CPPED1: variants seen among roughly 807,000 people sequenced by gnomAD.
The protein encoded by CPPED1 is serine/threonine-protein phosphatase CPPED1.
CPPED1 carries 28 observed loss-of-function variants against 28.0 expected under a neutral mutation model. That is an observed-to-expected ratio of 1.00 (90% CI 0.74 to 1.37). The LOEUF (loss-of-function observed/expected upper bound fraction) is 1.37. Ranked by LOEUF, CPPED1 falls within the 40% of genes most tolerant of loss-of-function variation. The pLI is 0.00. For missense variants in CPPED1, 504 were observed against 416.5 expected (o/e 1.21, Z -1.83); for synonymous variants, 198 against 180.2 (o/e 1.10, Z -0.79).
chr16:12,794,220 C>CA (rs61664415), intron 1 of CPPED1, among the ~76,000 whole-genome samples: 56,183 of 151,788 alleles, frequency 0.37, 15,974 homozygotes, highest in African/African-American at 0.8. Flanking sequence ...AGTTTCAGCA[C>CA]GGGGTGCAGG....
At chr16:12,729,019 A>G (rs1238935364) in intron 2 of CPPED1, among the ~76,000 whole-genome samples, 1 of 152,164 alleles carries the variant, frequency 6.6e-6, no homozygotes, top group Non-Finnish European at 1.5e-5. Context: ...TGGTGAGGTC[A>G]CCATCACTGG....
At chr16:12,699,978 C>G (rs937149748) in intron 3 of CPPED1, among the ~76,000 whole-genome samples, 1 of 152,190 alleles carries the variant, frequency 6.6e-6, no homozygotes, top group African/African-American at 2.4e-5. Flanking sequence ...TGGATGCGTA[C>G]AGCCAAGAGC....
intron 3 of CPPED1, among the ~76,000 whole-genome samples, chr16:12,677,490 T>C (rs1056240112): frequency 9.2e-5 from 14 of 152,012 alleles, no homozygotes; most frequent in Admixed American, 7.2e-4. Context: ...AATACAGAAA[T>C]GTGGATGTGG....
intron 1 of CPPED1, among the ~76,000 whole-genome samples, chr16:12,796,143 T>C (rs1167362331): frequency 6.6e-6 from 1 of 151,184 alleles, no homozygotes; most frequent in Admixed American, 6.6e-5. Flanking sequence ...TCTGGGCTTC[T>C]TGCTCCTCAA....
At chr16:12,685,665 C>T (rs989899660) in intron 3 of CPPED1, among the ~76,000 whole-genome samples, 10 of 152,208 alleles carry the variant, frequency 6.6e-5, no homozygotes, top group Non-Finnish European at 1.3e-4. Flanking sequence ...CTCTCACTAT[C>T]CACACCCTCC....
At chr16:12,688,336 T>C (rs1411661635) in intron 3 of CPPED1, among the ~76,000 whole-genome samples, 1 of 150,928 alleles carries the variant, frequency 6.6e-6, no homozygotes, top group African/African-American at 2.4e-5. Flanking sequence ...CAGGATTTTT[T>C]TTTTTTTTTT....
chr16:12,789,038 T>A (rs2141243465), intron 1 of CPPED1, among the ~76,000 whole-genome samples: 1 of 152,290 alleles, frequency 6.6e-6, no homozygotes, highest in East Asian at 1.9e-4. Flanking sequence ...CCAGGCAGCG[T>A]TTATAAACTT....
intron 3 of CPPED1, among the ~76,000 whole-genome samples, chr16:12,680,769 T>G (rs138590833): frequency 3.1e-4 from 47 of 152,254 alleles, no homozygotes; most frequent in African/African-American, 1.1e-3. Context: ...CAATATCTCC[T>G]TCTGGAGCTA....
At chr16:12,762,525 A>G (rs1023107224) in intron 2 of CPPED1, among the ~76,000 whole-genome samples, 1 of 152,236 alleles carries the variant, frequency 6.6e-6, no homozygotes, top group Non-Finnish European at 1.5e-5. Context: ...ATTATTCAAC[A>G]ACAGCTACAA....
rs565168232 is a variant in CPPED1, at chr16:12,747,947, G to A, written c.289+33238C>T. Reference sequence around the variant, plus strand: ...CATAAACCTAAAAGAGGAACACCACGCAGTGCCCGTCTCACACCCAAGAGA... The same window carrying A: ...CATAAACCTAAAAGAGGAACACCACACAGTGCCCGTCTCACACCCAAGAGA... On this transcript the variant is annotated intron_variant, in intron 2 of 3. Coordinates refer to ENST00000381774, the MANE Select transcript of CPPED1 (RefSeq NM_018340.3). Among the ~76,000 whole-genome samples the A allele has an allele frequency of 6.6e-5, 10 of 152,270 alleles. No homozygotes were observed. The South Asian group carries it at 1.0e-3, about 16-fold the overall frequency.
At chr16:12,787,505 A>G (rs1166269550) in intron 1 of CPPED1, among the ~76,000 whole-genome samples, 1 of 151,540 alleles carries the variant, frequency 6.6e-6, no homozygotes, top group East Asian at 1.9e-4. Flanking sequence ...TCTCGGTTCA[A>G]GTGATTCTCC....
chr16:12,764,360 C>T (rs1319818425), intron 2 of CPPED1, among the ~76,000 whole-genome samples: 1 of 152,126 alleles, frequency 6.6e-6, no homozygotes, highest in African/African-American at 2.4e-5. Flanking sequence ...CATGCCACCA[C>T]ACCCAGCTAA....
intron 2 of CPPED1, among the ~76,000 whole-genome samples, chr16:12,715,109 T>A (rs937606969): frequency 1.3e-5 from 2 of 152,196 alleles, no homozygotes; most frequent in Admixed American, 6.5e-5. Flanking sequence ...TGACCCTAAA[T>A]GTGAGGATTT....
intron 2 of CPPED1, among the ~76,000 whole-genome samples, chr16:12,723,622 G>C (rs2141199966): frequency 6.6e-6 from 1 of 152,288 alleles, no homozygotes; most frequent in East Asian, 1.9e-4. Flanking sequence ...AGAACGGTGA[G>C]AAAGCAAATT....
intron 2 of CPPED1, among the ~76,000 whole-genome samples, chr16:12,770,819 C>T (rs1031929126): frequency 4.6e-5 from 6 of 131,252 alleles, no homozygotes; most frequent in Non-Finnish European, 7.7e-5. Flanking sequence ...GAGGCTATAT[C>T]AAGGAAAGGA....
intron 2 of CPPED1, among the ~76,000 whole-genome samples, chr16:12,720,782 C>G (rs534955054): frequency 3.9e-5 from 6 of 152,348 alleles, no homozygotes; most frequent in African/African-American, 1.4e-4. Flanking sequence ...CCAGCCCAAA[C>G]TGTTTTATTT....
chr16:12,745,238 G>A (rs757121366), intron 2 of CPPED1, among the ~76,000 whole-genome samples: 8 of 152,106 alleles, frequency 5.3e-5, no homozygotes, highest in Admixed American at 1.3e-4. Flanking sequence ...AATATGATGC[G>A]AGTTATGAAT....
intron 2 of CPPED1, among the ~76,000 whole-genome samples, chr16:12,740,404 C>A (rs2080248915): frequency 6.7e-6 from 1 of 149,456 alleles, no homozygotes; most frequent in Non-Finnish European, 1.5e-5. Flanking sequence ...GAGATTGCAC[C>A]ACTGCACACC....
At position 12,768,959 on chromosome 16, in the gene CPPED1, G is replaced by A. The variant is rs144376245; in HGVS notation, c.289+12226C>T. Among the ~76,000 whole-genome samples, 733 of 150,146 alleles carry A rather than the reference G, an allele frequency of 4.9e-3. 11 individuals are homozygous for A. Among genetic ancestry groups the A allele is most frequent in the African/African-American group, 0.017 (693 of 41,006 alleles). The stretch of plus-strand genomic sequence containing the variant: ...CGGCTCACTGCAACCTCCACCTCCT[G>A]GGTTCAAGCGATTCTCCTGCCTCAG... On this transcript the variant is annotated intron_variant, in intron 2 of 3. Coordinates refer to ENST00000381774, the MANE Select transcript of CPPED1 (RefSeq NM_018340.3).
Sources: gnomAD v4.1 joint callset for allele counts (sites outside exome capture counted in the v4.1 genomes callset) on GRCh38, gnomAD v4.1.1 for gene constraint, MANE v1.5 for transcripts, NCBI Gene and HGNC (gene_info 2026-07-23, HGNC 2026-07-21) for gene names.